VSTM2B: variants seen among roughly 807,000 people sequenced by gnomAD.
VSTM2B encodes the protein V-set and transmembrane domain-containing protein 2B.
Under a neutral mutation model 24.0 loss-of-function variants are expected in VSTM2B, and 24 were observed. That is an observed-to-expected ratio of 1.00 (90% CI 0.72 to 1.40). The LOEUF is 1.40. Ranked by LOEUF, VSTM2B falls within the 40% of genes most tolerant of loss-of-function variation. The pLI is 0.00. For synonymous variants in VSTM2B, 226 were observed against 194.4 expected (o/e 1.16, Z -1.35); for missense variants, 399 against 416.4 (o/e 0.96, Z 0.36).
chr19:29,553,056 G>A (rs1239744912), intron 4 of VSTM2B, among the ~76,000 whole-genome samples: 1 of 152,124 alleles, frequency 6.6e-6, no homozygotes, highest in Non-Finnish European at 1.5e-5. Flanking sequence ...AGGAATCTGG[G>A]CAGTCTGGAC....
At chr19:29,527,023 G>T (rs1599872236) in intron 1 of VSTM2B, 188 bp from the exon 2 acceptor site, 1 of 557,472 alleles carries the variant, frequency 1.8e-6, no homozygotes, top group Non-Finnish European at 3.1e-6. Context: ...GCAGCCGATG[G>T]CCGGTCCCTG....
chr19:29,563,972 T>C lies in VSTM2B; in HGVS notation c.*38T>C, dbSNP rs889987507. The C allele has an allele frequency of 6.5e-6, 10 of 1,533,488 alleles. No homozygotes were observed. The highest frequency in any genetic ancestry group is 8.8e-6 in the Non-Finnish European group (10 of 1,130,180). 95.0% of individuals were successfully genotyped at this position (1,533,488 alleles called of 1,614,324 possible). On this transcript the variant is annotated 3_prime_UTR_variant, in exon 5 of 5. Coordinates refer to ENST00000335523, the MANE Select transcript of VSTM2B (RefSeq NM_001146339.2). The stretch of plus-strand genomic sequence containing the variant: ...ACCCGAGCATCTCAGAGGCCGCACA[T>C]GACCTGCCCGGGGCCCTCGGTGAGG...
rs1053061920 is a variant in VSTM2B at position 29,564,330 on chromosome 19, AT to A, written c.*405del. Reference sequence around the variant, plus strand: ...TTTTTAGTAGATTATTGTGTTTAGGATTTTTTTTTAATTTACTTTTTTTCTT... The same window carrying A: ...TTTTTAGTAGATTATTGTGTTTAGGATTTTTTTTAATTTACTTTTTTTCTT... On this transcript the variant is annotated 3_prime_UTR_variant, in exon 5 of 5. Transcript: ENST00000335523. 100 of 152,000 alleles carry A rather than the reference AT, an allele frequency of 6.6e-4. No individual in the cohort carries two copies. Among genetic ancestry groups the A allele is most frequent in the Admixed American group, 4.1e-3 (62 of 15,216 alleles). The allele number at this position is 152,000 out of a possible 1,614,324, so 9.4% of individuals were successfully genotyped here.
At chr19:29,537,397 G>A (rs556857406) in intron 4 of VSTM2B, among the ~76,000 whole-genome samples, 327 of 152,200 alleles carry the variant, frequency 2.1e-3, no homozygotes, top group African/African-American at 7.4e-3. Flanking sequence ...CAGCACCCTC[G>A]GTGACCGCAA....
In VSTM2B at chr19:29,564,524, A is replaced by G. The variant is rs972827350; in HGVS notation, c.*590A>G. Reference sequence around the variant, plus strand: ...ACTGTATTGTATATTGCTGAAGAACAGTTGAATAAAAAACAACTTTGAAAT... The same window carrying G: ...ACTGTATTGTATATTGCTGAAGAACGGTTGAATAAAAAACAACTTTGAAAT... On this transcript the variant is annotated 3_prime_UTR_variant, in exon 5 of 5. Transcript: ENST00000335523. The G allele has an allele frequency of 2.6e-5, 4 of 152,272 alleles. No homozygotes were observed. Among genetic ancestry groups the G allele is most frequent in the Non-Finnish European group, 5.9e-5 (4 of 68,058 alleles). 9.4% of individuals were successfully genotyped at this position (152,272 alleles called of 1,614,324 possible).
chr19:29,549,245 G>T (rs892319687), intron 4 of VSTM2B, among the ~76,000 whole-genome samples: 4 of 152,148 alleles, frequency 2.6e-5, no homozygotes, highest in African/African-American at 9.7e-5. Flanking sequence ...TTGTCCCTGG[G>T]CTCTGTAGAA....
At chr19:29,538,576 C>T (rs1294525722) in intron 4 of VSTM2B, among the ~76,000 whole-genome samples, 1 of 152,134 alleles carries the variant, frequency 6.6e-6, no homozygotes, top group Non-Finnish European at 1.5e-5. Context: ...CAGGGAATAC[C>T]TGAGTCTGGT....
chr19:29,526,630 T>C lies in VSTM2B; in HGVS notation c.47T>C (p.Leu16Pro), dbSNP rs1969576347. ...RLGALGYLPP[L>P]LLHALLLFVA... Reference sequence around the variant, plus strand: ...GGTGCCCTCGGATACCTGCCGCCTCTGCTGCTGCATGCCCTGCTGCTCTTC... The same window carrying C: ...GGTGCCCTCGGATACCTGCCGCCTCCGCTGCTGCATGCCCTGCTGCTCTTC... The change falls in exon 1 of 5, where the codon CTG (leucine) becomes CCG (proline). Residue 16 changes from leucine to proline, a missense_variant. By Grantham distance (98) the Leu-to-Pro change is moderately conservative. Transcript: ENST00000335523. The surrounding 1 kb of genome is among the most constrained non-coding windows in gnomAD (Gnocchi z 4.1). 6.5e-7 allele frequency: 1 copy of C among 1,530,916 alleles called. No homozygotes were observed. The highest frequency in any genetic ancestry group is 8.7e-7 in the Non-Finnish European group (1 of 1,143,976). 94.8% of individuals were successfully genotyped at this position (1,530,916 alleles called of 1,614,324 possible). A position where few individuals can be genotyped will look rare whatever the true frequency, so the allele number is the denominator to read the frequency against.
In VSTM2B at chr19:29,530,033, C is replaced by G. The variant is rs775005192; in HGVS notation, c.512C>G (p.Pro171Arg). Residue 171 changes from proline to arginine, a missense_variant, in exon 4 of 5, where the codon CCG becomes CGG. Pro to Arg is a moderately radical substitution (Grantham distance 103, BLOSUM62 -2). Transcript: ENST00000335523. ...EAVSHIQSSGPRRHGPASAAN... is the reference protein window; with the variant it reads ...EAVSHIQSSGRRRHGPASAAN... The stretch of plus-strand genomic sequence containing the variant: ...GTGTCCCACATCCAGAGCAGCGGCC[C>G]GCGTCGCCACGGCCCAGCCAGCGCC... 1.3e-6 allele frequency: 2 copies of G among 1,528,134 alleles called. No individual in the cohort carries two copies. The highest frequency in any genetic ancestry group is 2.0e-5 in the Admixed American group (1 of 50,288). The allele number at this position is 1,528,134 out of a possible 1,614,324, so 94.7% of individuals were successfully genotyped here.
intron 4 of VSTM2B, among the ~76,000 whole-genome samples, chr19:29,545,753 C>T (rs1018497411): frequency 3.9e-5 from 6 of 152,140 alleles, no homozygotes; most frequent in African/African-American, 1.2e-4. Flanking sequence ...TGGGTTGGTT[C>T]CATGTGTTTG....
intron 4 of VSTM2B, among the ~76,000 whole-genome samples, chr19:29,551,896 A>G (rs942828822): frequency 6.6e-6 from 1 of 152,176 alleles, no homozygotes; most frequent in South Asian, 2.1e-4. Context: ...CACGCCATGT[A>G]AAAAAAGAGG....
intron 4 of VSTM2B, among the ~76,000 whole-genome samples, chr19:29,560,228 T>A (rs1197376176): frequency 1.3e-5 from 2 of 152,274 alleles, no homozygotes; most frequent in East Asian, 3.9e-4. Context: ...GGGAGGGCAC[T>A]ATGATAGGGA....
At chr19:29,530,921 T>C (rs1241765112) in intron 4 of VSTM2B, among the ~76,000 whole-genome samples, 3 of 150,796 alleles carry the variant, frequency 2.0e-5, no homozygotes, top group African/African-American at 7.4e-5. Context: ...GACTGAGCCC[T>C]AAGCCACTGT....
At chr19:29,537,456 A>T (rs983140741) in intron 4 of VSTM2B, among the ~76,000 whole-genome samples, 3 of 152,092 alleles carry the variant, frequency 2.0e-5, no homozygotes, top group South Asian at 4.1e-4. Flanking sequence ...CCTCCACAGG[A>T]CGGCCCTTGA....
In VSTM2B at chr19:29,527,384, G is replaced by A. The variant is rs769309251; in HGVS notation, c.256G>A (p.Ala86Thr). ...LHELALSVPG[A>T]RSKVTNKDAT... ...CGAGCTGGCGCTCAGCGTGCCGGGC[G>A]CCCGGAGCAAGGTAACCCGCCGCCC... The change falls in exon 2 of 5, where the codon GCC becomes ACC. Residue 86 changes from alanine (A) to threonine (T), a missense_variant. Coordinates refer to ENST00000335523, the MANE Select transcript of VSTM2B (RefSeq NM_001146339.2). 46 of 1,537,464 alleles carry A rather than the reference G, an allele frequency of 3.0e-5. No homozygotes were observed. The highest frequency in any genetic ancestry group is 1.7e-4 in the Middle Eastern group (1 of 5,842).
chr19:29,534,039 G>A (rs1380316437), intron 4 of VSTM2B, among the ~76,000 whole-genome samples: 2 of 152,240 alleles, frequency 1.3e-5, no homozygotes, highest in South Asian at 2.1e-4. Flanking sequence ...GCTGGCAGAG[G>A]CACATGGAAC....
chr19:29,529,643 G>T (rs1263584931), intron 3 of VSTM2B, among the ~76,000 whole-genome samples, 176 bp from the exon 4 acceptor site: 1 of 152,208 alleles, frequency 6.6e-6, no homozygotes, highest in East Asian at 1.9e-4. Context: ...ACGCAGAGTT[G>T]GAAGCCCTAT....
At chr19:29,530,354 C>A (rs534847088) in intron 4 of VSTM2B, 64 bp downstream of exon 4, 112 of 1,379,918 alleles carry the variant, frequency 8.1e-5, no homozygotes, top group Middle Eastern at 5.1e-4. Context: ...TGCGCCGGGA[C>A]GCCCCGGGGG....
At chr19:29,555,513 A>C (rs1970386064) in intron 4 of VSTM2B, among the ~76,000 whole-genome samples, 1 of 152,168 alleles carries the variant, frequency 6.6e-6, no homozygotes, top group Non-Finnish European at 1.5e-5. Context: ...ACCAAGAGAA[A>C]ACAAACTCCA....
Sources: allele counts gnomAD v4.1 joint callset (sites outside exome capture counted in the v4.1 genomes callset), GRCh38; gene constraint gnomAD v4.1.1; non-coding constraint Gnocchi (gnomAD v3.1); transcripts MANE v1.5; gene names NCBI Gene and HGNC (gene_info 2026-07-23, HGNC 2026-07-21).